Variants in PRIM2 observed in about 807,000 individuals in gnomAD.
PRIM2 encodes DNA primase large subunit.
In PRIM2, 39 loss-of-function variants were observed where a neutral mutation model predicts 67.3. That is an observed-to-expected ratio of 0.58 (90% confidence interval 0.45 to 0.76). The LOEUF (loss-of-function observed/expected upper bound fraction) is 0.76. PRIM2 is among the 30% of genes least tolerant of loss of function. The probability of loss-of-function intolerance (pLI) is 0.00; values close to 1 mark genes in which losing one functional copy is unlikely to be tolerated. For missense variants in PRIM2, 398 were observed against 598.7 expected (o/e 0.66, Z 3.50); for synonymous variants, 143 against 198.7 (o/e 0.72, Z 2.36).
intron 7 of PRIM2, among the ~76,000 whole-genome samples, chr6:57,397,568 C>A (rs1297873076): frequency 2.0e-5 from 3 of 152,042 alleles, no homozygotes; most frequent in Non-Finnish European, 4.4e-5. Context: ...TTTCCCCCTT[C>A]ACTTCTTGTA....
chr6:57,449,622 AAT>A, intron 7 of PRIM2, among the ~76,000 whole-genome samples: 1 of 152,308 alleles, frequency 6.6e-6, no homozygotes, highest in East Asian at 1.9e-4. Flanking sequence ...TGTATGAATA[AAT>A]AAATCATTTC....
At chr6:57,250,024 C>T in the PRIM2 span, among the ~76,000 whole-genome samples, 7 of 152,172 alleles carry the variant, frequency 4.6e-5, no homozygotes, top group Non-Finnish European at 1.0e-4. Flanking sequence ...GCAAGTTCCA[C>T]TGTGGCTTAG....
chr6:57,332,078 T>A (rs1307269284), intron 5 of PRIM2, among the ~76,000 whole-genome samples: 7 of 152,016 alleles, frequency 4.6e-5, no homozygotes, highest in African/African-American at 1.7e-4. Context: ...ATGCAAACCA[T>A]GAGTTTTTGT....
At chr6:57,455,904 T>TG (rs1273075793) in intron 7 of PRIM2, among the ~76,000 whole-genome samples, 1 of 152,246 alleles carries the variant, frequency 6.6e-6, no homozygotes, top group Non-Finnish European at 1.5e-5. Flanking sequence ...CAATTTGGCA[T>TG]GTTTTTGCAG....
At chr6:57,262,995 T>C in the PRIM2 span, among the ~76,000 whole-genome samples, 9 of 152,232 alleles carry the variant, frequency 5.9e-5, no homozygotes, top group Non-Finnish European at 1.3e-4. Context: ...AGGTGAGGTC[T>C]AGATGACTTC....
chr6:57,533,808 T>G (rs1774941366), intron 9 of PRIM2, among the ~76,000 whole-genome samples: 1 of 152,220 alleles, frequency 6.6e-6, no homozygotes, highest in Non-Finnish European at 1.5e-5. Flanking sequence ...GCAGCCATTG[T>G]GCTGTGGATA....
chr6:57,269,106 G>A, the PRIM2 span, among the ~76,000 whole-genome samples: 1 of 152,122 alleles, frequency 6.6e-6, no homozygotes, highest in South Asian at 2.1e-4. Flanking sequence ...GTGTGCATGT[G>A]TCTTTATAGC....
intron 7 of PRIM2, among the ~76,000 whole-genome samples, chr6:57,468,525 G>A (rs1773259581): frequency 1.3e-5 from 2 of 152,150 alleles, no homozygotes; most frequent in African/African-American, 4.8e-5. Flanking sequence ...GCTGGATTCG[G>A]TTTGCCAGTA....
chr6:57,531,815 G>A (rs1346916114), intron 8 of PRIM2, among the ~76,000 whole-genome samples: 2 of 152,150 alleles, frequency 1.3e-5, no homozygotes, highest in Non-Finnish European at 2.9e-5. Context: ...TCAGGGGGTT[G>A]CAAGGATCTA....
chr6:57,537,744 A>T, intron 10 of PRIM2, 119 bp downstream of exon 10: 1 of 514,576 alleles, frequency 1.9e-6, no homozygotes, highest in South Asian at 8.4e-5. Flanking sequence ...TTCTAAAAGG[A>T]TAAATGTGTT....
the PRIM2 span, among the ~76,000 whole-genome samples, chr6:57,258,914 C>T: frequency 6.6e-6 from 1 of 152,178 alleles, no homozygotes; most frequent in Non-Finnish European, 1.5e-5. Flanking sequence ...CTGACCTATC[C>T]TTTGCTATTT....
chr6:57,411,347 T>G (rs1446370770), intron 7 of PRIM2, among the ~76,000 whole-genome samples: 1 of 152,114 alleles, frequency 6.6e-6, no homozygotes, highest in Non-Finnish European at 1.5e-5. Flanking sequence ...TCCTCGCACT[T>G]TGGGAGGCTG....
rs1776941862 is a variant in PRIM2 at position 57,625,849 on chromosome 6, G to A, written c.1231-6284G>A. 2.6e-5 allele frequency among the ~76,000 whole-genome samples: 4 copies of A among 152,314 alleles called. No homozygotes were observed. In the South Asian group the frequency reaches 8.3e-4, roughly 32 times the overall value. ...GGCCCTGATCTGCCAGTCAGTGAAGGTCACAGCAAGGCAGCAGCAGGCTAA... is the reference window on the plus strand; with the variant it reads ...GGCCCTGATCTGCCAGTCAGTGAAGATCACAGCAAGGCAGCAGCAGGCTAA... On this transcript the variant is annotated intron_variant, in intron 12 of 13. Transcript: ENST00000615550.
the PRIM2 span, among the ~76,000 whole-genome samples, chr6:57,284,561 CCCT>C: frequency 6.6e-6 from 1 of 151,994 alleles, no homozygotes; most frequent in African/African-American, 2.4e-5. Flanking sequence ...CATCACTCAC[CCCT>C]CATTTACCTA....
At chr6:57,452,911 G>C (rs1214082103) in intron 7 of PRIM2, among the ~76,000 whole-genome samples, 2 of 152,058 alleles carry the variant, frequency 1.3e-5, no homozygotes, top group Non-Finnish European at 2.9e-5. Flanking sequence ...GGGTTTTTAT[G>C]GTTTTAGGTC....
intron 10 of PRIM2, among the ~76,000 whole-genome samples, chr6:57,594,839 T>A (rs1776338210): frequency 6.6e-6 from 1 of 152,148 alleles, no homozygotes; most frequent in Non-Finnish European, 1.5e-5. Context: ...GAAGATAACA[T>A]CAAGTTGATA....
intron 13 of PRIM2, among the ~76,000 whole-genome samples, chr6:57,633,433 A>T (rs1340635164): frequency 6.6e-6 from 1 of 152,128 alleles, no homozygotes; most frequent in Non-Finnish European, 1.5e-5. Context: ...TTTTACAATT[A>T]TTTTTATGTT....
chr6:57,396,575 G>A (rs10080565), intron 7 of PRIM2, among the ~76,000 whole-genome samples: 3,947 of 152,262 alleles, frequency 0.026, 155 homozygotes, highest in African/African-American at 0.089. Context: ...GAAGGCAGCA[G>A]ATAATTGGTT....
At chr6:57,324,596 AT>A (rs1254916226) in intron 4 of PRIM2, among the ~76,000 whole-genome samples, 4 of 152,204 alleles carry the variant, frequency 2.6e-5, no homozygotes, top group African/African-American at 9.7e-5. Flanking sequence ...CTGCAAAAAA[AT>A]GGTAATATTT....
Sources: allele counts gnomAD v4.1 joint callset (sites outside exome capture counted in the v4.1 genomes callset), GRCh38; gene constraint gnomAD v4.1.1; transcripts MANE v1.5; gene names NCBI Gene and HGNC (gene_info 2026-07-23, HGNC 2026-07-21).